RAP1GDS1: variants seen among roughly 807,000 people sequenced by gnomAD.
The protein encoded by RAP1GDS1 is Rap1 GTPase-GDP dissociation stimulator 1, also known as RAP1, GTP-GDP dissociation stimulator 1.
In RAP1GDS1, 35 loss-of-function variants were observed where a neutral mutation model predicts 71.1. That is an observed-to-expected ratio of 0.49 (90% CI 0.38 to 0.65). RAP1GDS1 has a LOEUF of 0.65. Among genes scored for constraint, RAP1GDS1 ranks in the 30% least tolerant of loss-of-function variants. RAP1GDS1 has a pLI of 0.00. For missense variants in RAP1GDS1, 663 were observed against 706.1 expected (o/e 0.94, Z 0.69); for synonymous variants, 229 against 243.1 (o/e 0.94, Z 0.54).
At chr4:98,296,954 A>G (rs1208911270) in intron 2 of RAP1GDS1, 2 of 334,126 alleles carry the variant, frequency 6.0e-6, no homozygotes, top group South Asian at 2.1e-5. Flanking sequence ...GGGACCATAA[A>G]GTGTGCCATA....
intron 1 of RAP1GDS1, among the ~76,000 whole-genome samples, chr4:98,290,321 A>G (rs193206890): frequency 1.3e-5 from 2 of 152,252 alleles, no homozygotes; most frequent in Admixed American, 1.3e-4. Context: ...TCCTAGTTTA[A>G]CATGACACTG....
At chr4:98,328,708 A>T (rs1733511599) in intron 2 of RAP1GDS1, among the ~76,000 whole-genome samples, 2 of 152,150 alleles carry the variant, frequency 1.3e-5, no homozygotes, top group Admixed American at 6.6e-5. Flanking sequence ...TTTGAGACAG[A>T]GTCTCTCTCT....
chr4:98,411,601 T>A (rs1174946145), intron 7 of RAP1GDS1, among the ~76,000 whole-genome samples: 1 of 152,246 alleles, frequency 6.6e-6, no homozygotes, highest in Non-Finnish European at 1.5e-5. Context: ...TTCAGTCAAT[T>A]TTAGGCCATA....
At chr4:98,362,023 G>A (rs1257593223) in intron 4 of RAP1GDS1, among the ~76,000 whole-genome samples, 2 of 152,080 alleles carry the variant, frequency 1.3e-5, no homozygotes, top group African/African-American at 2.4e-5. Flanking sequence ...TTTTAGAAAC[G>A]ATATTCATGA....
chr4:98,318,989 G>C (rs563651525), intron 2 of RAP1GDS1, among the ~76,000 whole-genome samples: 2 of 152,176 alleles, frequency 1.3e-5, no homozygotes, highest in Non-Finnish European at 2.9e-5. Context: ...AGTTCTCTGG[G>C]GGGGGAAATG....
rs1751559106 is a variant in RAP1GDS1, at chr4:98,439,094, T to G, written c.1696+2026T>G. Among the ~76,000 whole-genome samples, 5 of 152,328 alleles carry G rather than the reference T, an allele frequency of 3.3e-5. No individual in the cohort carries two copies. The South Asian group carries it at 1.0e-3, about 32-fold the overall frequency. ...TCATTCCCTTTCTGTTTAGAGAACTTCCTTTAGCCATACTGCTAGCAACAG... is the reference window on the plus strand; with the variant it reads ...TCATTCCCTTTCTGTTTAGAGAACTGCCTTTAGCCATACTGCTAGCAACAG... On this transcript the variant is annotated intron_variant, in intron 14 of 14. Transcript: ENST00000408927.
chr4:98,426,341 C>T (rs1439182158), intron 12 of RAP1GDS1, among the ~76,000 whole-genome samples: 1 of 151,888 alleles, frequency 6.6e-6, no homozygotes, highest in Non-Finnish European at 1.5e-5. Flanking sequence ...AAACCAAACC[C>T]ATACCCAGCA....
intron 4 of RAP1GDS1, among the ~76,000 whole-genome samples, chr4:98,366,139 T>C (rs1022981479): frequency 2.0e-5 from 3 of 152,198 alleles, no homozygotes; most frequent in Admixed American, 6.5e-5. Flanking sequence ...AAATCTCATC[T>C]TGAATTCCCA....
intron 2 of RAP1GDS1, among the ~76,000 whole-genome samples, chr4:98,333,744 G>A (rs1391168977): frequency 6.6e-6 from 1 of 152,008 alleles, no homozygotes; most frequent in Non-Finnish European, 1.5e-5. Flanking sequence ...ATCATTTCAA[G>A]TTATTTTTCT....
intron 4 of RAP1GDS1, among the ~76,000 whole-genome samples, chr4:98,377,960 G>A (rs1373491257): frequency 6.6e-6 from 1 of 151,804 alleles, no homozygotes; most frequent in African/African-American, 2.4e-5. Context: ...AAGATATATT[G>A]TGAAGATGAT....
intron 2 of RAP1GDS1, among the ~76,000 whole-genome samples, chr4:98,301,040 ACTC>A (rs1347356589): frequency 6.6e-6 from 1 of 151,178 alleles, no homozygotes; most frequent in Non-Finnish European, 1.5e-5. Context: ...CTCTGAACAT[ACTC>A]CTGCTGTTTT....
intron 2 of RAP1GDS1, among the ~76,000 whole-genome samples, chr4:98,329,180 C>T (rs1210845179): frequency 1.3e-5 from 2 of 152,100 alleles, no homozygotes; most frequent in African/African-American, 4.8e-5. Flanking sequence ...AGAATACTCA[C>T]AAATAATTTT....
At chr4:98,314,996 G>A (rs1272547176) in intron 2 of RAP1GDS1, among the ~76,000 whole-genome samples, 1 of 152,138 alleles carries the variant, frequency 6.6e-6, no homozygotes, top group Non-Finnish European at 1.5e-5. Context: ...TTACTCAGTG[G>A]TAGAGAATGT....
intron 12 of RAP1GDS1, among the ~76,000 whole-genome samples, chr4:98,425,394 C>G (rs1749472951): frequency 1.3e-5 from 2 of 152,080 alleles, no homozygotes; most frequent in South Asian, 2.1e-4. Flanking sequence ...CATCTCAATA[C>G]TAAGATTGAA....
intron 2 of RAP1GDS1, among the ~76,000 whole-genome samples, chr4:98,316,283 T>C (rs915964259): frequency 3.9e-5 from 6 of 152,116 alleles, no homozygotes; most frequent in East Asian, 1.9e-4. Context: ...GTTGAAAGAA[T>C]AGAGTTTTCA....
At chr4:98,348,699 G>C (rs1292261297) in intron 3 of RAP1GDS1, among the ~76,000 whole-genome samples, 1 of 152,144 alleles carries the variant, frequency 6.6e-6, no homozygotes, top group Non-Finnish European at 1.5e-5. Flanking sequence ...GTTTTGATTT[G>C]CATTTATCTG....
intron 7 of RAP1GDS1, among the ~76,000 whole-genome samples, chr4:98,405,143 T>C (rs1745943051): frequency 6.6e-6 from 1 of 152,148 alleles, no homozygotes; most frequent in South Asian, 2.1e-4. Context: ...AGGCAGCAAA[T>C]CTTCAGATAC....
At chr4:98,285,300 A>T (rs970762623) in intron 1 of RAP1GDS1, among the ~76,000 whole-genome samples, 1 of 152,178 alleles carries the variant, frequency 6.6e-6, no homozygotes, top group Non-Finnish European at 1.5e-5. Flanking sequence ...CTTGTTCTTT[A>T]TTCTGACATT....
intron 4 of RAP1GDS1, among the ~76,000 whole-genome samples, chr4:98,362,584 A>G (rs34193611): frequency 0.017 from 1,883 of 108,292 alleles, 19 homozygotes; most frequent in African/African-American, 0.047. Context: ...TAGGAATGGG[A>G]AAAAAAAAGC....
Sources: allele counts gnomAD v4.1 joint callset (sites outside exome capture counted in the v4.1 genomes callset), GRCh38; gene constraint gnomAD v4.1.1; transcripts MANE v1.5; gene names NCBI Gene and HGNC (gene_info 2026-07-23, HGNC 2026-07-21).